The following UGT1A8 variants were observed in gnomAD, a reference collection of about 807,000 sequenced individuals.
The protein encoded by UGT1A8 is UDP-glucuronosyltransferase 1A8.
Under a neutral mutation model 45.3 loss-of-function variants are expected in UGT1A8, and 39 were observed. That is an observed-to-expected ratio of 0.86 (90% confidence interval 0.67 to 1.12). UGT1A8 has a LOEUF of 1.12. Among genes scored for constraint, UGT1A8 ranks in the 50% most tolerant of loss-of-function variants. UGT1A8 has a pLI of 0.00. For missense variants in UGT1A8, 719 were observed against 664.9 expected (o/e 1.08, Z -0.90); for synonymous variants, 275 against 249.2 (o/e 1.10, Z -0.97).
At chr2:233,662,629 T>G (rs1575409193) in intron 1 of UGT1A8, among the ~76,000 whole-genome samples, 1 of 152,190 alleles carries the variant, frequency 6.6e-6, no homozygotes. Context: ...TTTCTTTTTC[T>G]TGTTTGACTG....
At chr2:233,690,258 A>G (rs1172193449) in intron 1 of UGT1A8, among the ~76,000 whole-genome samples, 3 of 152,212 alleles carry the variant, frequency 2.0e-5, no homozygotes, top group Non-Finnish European at 4.4e-5. Flanking sequence ...TTAAGTCTCA[A>G]ACATTTTGCA....
At chr2:233,686,730 C>T (rs1405660638) in intron 1 of UGT1A8, among the ~76,000 whole-genome samples, 1 of 152,212 alleles carries the variant, frequency 6.6e-6, no homozygotes, top group Non-Finnish European at 1.5e-5. Flanking sequence ...TGAAGGTCAA[C>T]CTCTTGCCTT....
intron 1 of UGT1A8, among the ~76,000 whole-genome samples, chr2:233,621,534 C>A (rs1410233342): frequency 6.6e-6 from 1 of 152,130 alleles, no homozygotes; most frequent in African/African-American, 2.4e-5. Flanking sequence ...GTGGACAAGA[C>A]TAAGGCCTCC....
At chr2:233,747,473 T>A in intron 1 of UGT1A8, 2 of 1,608,772 alleles carry the variant, frequency 1.2e-6, no homozygotes, top group South Asian at 2.2e-5. Context: ...GGACCCAGGA[T>A]GAATTTGATC....
chr2:233,772,660 A>C lies in UGT1A8; in HGVS notation c.*101A>C. Reference sequence around the variant, plus strand: ...AAATTCATTTTATTCTTATTAAGGAAATACTTTGCATAAATTAATCAGCCC... The same window carrying C: ...AAATTCATTTTATTCTTATTAAGGACATACTTTGCATAAATTAATCAGCCC... On this transcript the variant is annotated 3_prime_UTR_variant, in exon 5 of 5. Transcript: ENST00000373450. 1 of 1,542,072 alleles carries C rather than the reference A, an allele frequency of 6.5e-7. No homozygotes were observed. The highest frequency in any genetic ancestry group is 8.7e-7 in the Non-Finnish European group (1 of 1,144,950).
chr2:233,679,382 C>A (rs142374480), intron 1 of UGT1A8, among the ~76,000 whole-genome samples: 38 of 152,142 alleles, frequency 2.5e-4, no homozygotes, highest in African/African-American at 8.0e-4. Flanking sequence ...GAGTGTTGAT[C>A]TTTTCCTTTC....
At chr2:233,699,325 A>G (rs1484519888) in intron 1 of UGT1A8, among the ~76,000 whole-genome samples, 1 of 152,046 alleles carries the variant, frequency 6.6e-6, no homozygotes, top group Non-Finnish European at 1.5e-5. Context: ...TATTTTGTTG[A>G]GTTTCATCCA....
intron 1 of UGT1A8, chr2:233,753,210 T>TAGAC (rs1695156471): frequency 2.0e-5 from 3 of 152,224 alleles, no homozygotes; most frequent in African/African-American, 4.8e-5. Flanking sequence ...ACAGTCTGTC[T>TAGAC]TATTTTGATA....
rs149398312 is a variant in UGT1A8 at position 233,672,418 on chromosome 2, T to C, written c.855+53856T>C. On this transcript the variant is annotated intron_variant, in intron 1 of 4. Coordinates refer to ENST00000373450, the MANE Select transcript of UGT1A8 (RefSeq NM_019076.5). ...TGGCTTAATTGTTGCCAAATATTTC[T>C]CCCTCCCCTCCGTGGTCTTCGCCAG... The C allele has an allele frequency of 4.3e-6, 7 of 1,613,894 alleles. No homozygotes were observed. In the African/African-American group the frequency reaches 9.3e-5, roughly 22 times the overall value.
intron 2 of UGT1A8, among the ~76,000 whole-genome samples, chr2:233,767,645 G>A (rs193254313): frequency 6.6e-5 from 10 of 152,224 alleles, no homozygotes; most frequent in South Asian, 2.1e-4. Context: ...ACAAATTCAC[G>A]TAGTGCATAC....
chr2:233,760,736 C>G lies in UGT1A8; in HGVS notation c.856-6298C>G, dbSNP rs371418452. 6 of 1,614,160 alleles carry G rather than the reference C, an allele frequency of 3.7e-6. No homozygotes were observed. Among genetic ancestry groups the G allele is most frequent in the Non-Finnish European group, 5.1e-6 (6 of 1,180,028 alleles). Reference sequence around the variant, plus strand: ...GAAAGCAGCTTTGATGTCATGCTGACGGACCCTTTCCTTCCTTGCAGCCCC... The same window carrying G: ...GAAAGCAGCTTTGATGTCATGCTGAGGGACCCTTTCCTTCCTTGCAGCCCC... On this transcript the variant is annotated intron_variant, in intron 1 of 4. Coordinates refer to ENST00000373450, the MANE Select transcript of UGT1A8 (RefSeq NM_019076.5).
At chr2:233,643,049 C>T (rs2073497176) in intron 1 of UGT1A8, among the ~76,000 whole-genome samples, 1 of 152,198 alleles carries the variant, frequency 6.6e-6, no homozygotes, top group African/African-American at 2.4e-5. Context: ...GTAACCACCT[C>T]CTGGCTACTG....
chr2:233,698,130 G>A (rs1470360029), intron 1 of UGT1A8, among the ~76,000 whole-genome samples: 1 of 152,166 alleles, frequency 6.6e-6, no homozygotes, highest in East Asian at 1.9e-4. Flanking sequence ...GACCTTGTTT[G>A]TGTCTCAACT....
intron 1 of UGT1A8, among the ~76,000 whole-genome samples, chr2:233,686,849 C>G (rs1224138854): frequency 6.6e-6 from 1 of 152,172 alleles, no homozygotes; most frequent in Middle Eastern, 3.2e-3. Context: ...TCCTTCCCCA[C>G]CTATGTCTTT....
At chr2:233,729,963 C>A in intron 1 of UGT1A8, 6 of 1,614,038 alleles carry the variant, frequency 3.7e-6, no homozygotes, top group Non-Finnish European at 5.1e-6. Context: ...TTGGGGGCAT[C>A]AACTGTGCCA....
intron 1 of UGT1A8, among the ~76,000 whole-genome samples, chr2:233,661,175 T>C (rs943673017): frequency 6.6e-6 from 1 of 151,952 alleles, no homozygotes; most frequent in Non-Finnish European, 1.5e-5. Context: ...ACTTTTTTTT[T>C]CTGAAATATG....
chr2:233,684,024 A>C (rs1575432066), intron 1 of UGT1A8, among the ~76,000 whole-genome samples: 1 of 152,224 alleles, frequency 6.6e-6, no homozygotes, highest in Non-Finnish European at 1.5e-5. Context: ...TGGCAAATGC[A>C]TAGTTGCTAA....
At chr2:233,717,118 A>C (rs1390690022) in intron 1 of UGT1A8, among the ~76,000 whole-genome samples, 1 of 152,100 alleles carries the variant, frequency 6.6e-6, no homozygotes, top group Non-Finnish European at 1.5e-5. Context: ...ACACCACTAC[A>C]TGGAAATAGA....
Position 233,769,738 on chromosome 2 carries a change from C to G in UGT1A8, c.1295+1299C>G. 1 of 1,454,300 alleles carries G rather than the reference C, an allele frequency of 6.9e-7. No individual in the cohort carries two copies. The highest frequency in any genetic ancestry group is 9.1e-7 in the Non-Finnish European group (1 of 1,102,384). The allele number at this position is 1,454,300 out of a possible 1,614,324, so 90.1% of individuals were successfully genotyped here. On this transcript the variant is annotated intron_variant, in intron 4 of 4. Transcript: ENST00000373450. The surrounding 1 kb of genome is among the most constrained non-coding windows in gnomAD (Gnocchi z 4.4). ...GGCACCATGGCACACGCCTGTAGTC[C>G]CAGCCACTCTGGAGGCTAAGGCGGG...
Sources: allele counts gnomAD v4.1 joint callset (sites outside exome capture counted in the v4.1 genomes callset), GRCh38; gene constraint gnomAD v4.1.1; non-coding constraint Gnocchi (gnomAD v3.1); transcripts MANE v1.5; gene names NCBI Gene and HGNC (gene_info 2026-07-23, HGNC 2026-07-21).